The following ANO1 variants were observed in gnomAD, a reference collection of about 807,000 sequenced individuals.
ANO1 encodes anoctamin-1.
ANO1 carries 59 observed loss-of-function variants against 124.0 expected under a neutral mutation model. The ratio of observed to expected loss-of-function variants is 0.48; its 90% confidence interval spans 0.39 to 0.59. ANO1 has a LOEUF of 0.59. Ranked by LOEUF, ANO1 falls within the 20% of genes least tolerant of loss-of-function variation. The probability of loss-of-function intolerance (pLI) is 0.00; values close to 1 mark genes in which losing one functional copy is unlikely to be tolerated. For synonymous variants in ANO1, 529 were observed against 532.0 expected (o/e 0.99, Z 0.08); for missense variants, 1,059 against 1,328.0 (o/e 0.80, Z 3.15).
intron 11 of ANO1, among the ~76,000 whole-genome samples, chr11:70,139,238 A>G (rs1172550980): frequency 6.6e-6 from 1 of 151,370 alleles, no homozygotes; most frequent in Non-Finnish European, 1.5e-5. Context: ...CTCACTGCAA[A>G]CTCCGCCTCC....
chr11:70,002,689 A>G (rs1856408661), intron 1 of ANO1, among the ~76,000 whole-genome samples: 2 of 152,138 alleles, frequency 1.3e-5, no homozygotes, highest in Non-Finnish European at 2.9e-5. Flanking sequence ...TAAGTGGTGC[A>G]TGACTGCATT....
At chr11:70,046,092 G>A (rs1449030627) in intron 1 of ANO1, among the ~76,000 whole-genome samples, 1 of 152,148 alleles carries the variant, frequency 6.6e-6, no homozygotes, top group African/African-American at 2.4e-5. Context: ...GAGCAAAAAG[G>A]ACTCGATGCA....
chr11:70,109,130 GCATCCAT>G (rs888334617), intron 6 of ANO1, among the ~76,000 whole-genome samples: 30 of 152,204 alleles, frequency 2.0e-4, no homozygotes, highest in Middle Eastern at 3.2e-3. Context: ...CCATAGGGTA[GCATCCAT>G]CACTCTGTAG....
In ANO1 at chr11:70,130,531, G is replaced by A. The variant is rs115318482; in HGVS notation, c.1098-1388G>A. 6.7e-3 allele frequency among the ~76,000 whole-genome samples: 1,023 copies of A among 152,342 alleles called. 19 individuals carry two copies. Among genetic ancestry groups the A allele is most frequent in the African/African-American group, 0.023 (945 of 41,574 alleles). On this transcript the variant is annotated intron_variant, in intron 10 of 25. Coordinates refer to ENST00000355303, the MANE Select transcript of ANO1 (RefSeq NM_018043.7). ...CAGTCCCCAGTGCTGGTCCAAGTGA[G>A]GTGGAACATCTGTGCCTGCCAGTAA...
At chr11:70,170,744 T>C (rs551567991) in intron 21 of ANO1, 143 bp from the exon 22 acceptor site, 149 of 974,118 alleles carry the variant, frequency 1.5e-4, no homozygotes, top group Middle Eastern at 5.5e-4. Context: ...ATCTAATGCA[T>C]CTGCAGGTGG....
chr11:70,166,494 G>A (rs954951375), intron 20 of ANO1, among the ~76,000 whole-genome samples: 5 of 152,136 alleles, frequency 3.3e-5, no homozygotes, highest in Admixed American at 1.3e-4. Context: ...TGGAGGCTGG[G>A]GGACTTGGCC....
chr11:70,009,131 T>C (rs576083380), intron 1 of ANO1, among the ~76,000 whole-genome samples: 39 of 152,298 alleles, frequency 2.6e-4, no homozygotes, highest in Non-Finnish European at 1.9e-4. Flanking sequence ...TTTTTATTAT[T>C]TCCTTCTCTT....
At chr11:70,005,121 A>T (rs1025790587) in intron 1 of ANO1, among the ~76,000 whole-genome samples, 1 of 151,942 alleles carries the variant, frequency 6.6e-6, no homozygotes, top group Non-Finnish European at 1.5e-5. Flanking sequence ...TCAAAAAAAA[A>T]AAAAAAATTG....
chr11:70,185,642 A>G lies in ANO1; in HGVS notation c.2641A>G (p.Lys881Glu). The G allele has an allele frequency of 6.2e-7, 1 of 1,613,400 alleles. No individual in the cohort carries two copies. The highest frequency in any genetic ancestry group is 1.3e-5 in the African/African-American group (1 of 74,966). ...GTCGGAAAACAAGTACGACATCTCC[A>G]AGGACTTCTGGGCCGTCCTGGCAGC... ...PWSENKYDISKDFWAVLAARL... is the reference protein window; with the variant it reads ...PWSENKYDISEDFWAVLAARL... The change falls in exon 25 of 26, where the codon AAG becomes GAG. Residue 881 changes from lysine (K) to glutamate (E), a missense_variant. By Grantham distance (56) the Lys-to-Glu change is moderately conservative. Coordinates refer to ENST00000355303, the MANE Select transcript of ANO1 (RefSeq NM_018043.7).
intron 1 of ANO1, among the ~76,000 whole-genome samples, chr11:70,025,017 G>C (rs1856867441): frequency 6.6e-6 from 1 of 152,216 alleles, no homozygotes; most frequent in Non-Finnish European, 1.5e-5. Flanking sequence ...CTGAGCATCT[G>C]AGGGTCTCAG....
intron 1 of ANO1, among the ~76,000 whole-genome samples, chr11:70,071,247 A>G (rs1456171957): frequency 2.0e-5 from 3 of 152,252 alleles, no homozygotes; most frequent in Non-Finnish European, 4.4e-5. Flanking sequence ...GTACAGAGAA[A>G]AAGCTGTTCA....
At chr11:70,047,801 C>G (rs1257029787) in intron 1 of ANO1, among the ~76,000 whole-genome samples, 2 of 152,176 alleles carry the variant, frequency 1.3e-5, no homozygotes, top group Non-Finnish European at 2.9e-5. Flanking sequence ...GCCTTTTTTA[C>G]CTGAGACAGG....
At chr11:70,153,835 G>A (rs6592460) in intron 14 of ANO1, among the ~76,000 whole-genome samples, 1 of 151,850 alleles carries the variant, frequency 6.6e-6, no homozygotes, top group Admixed American at 6.6e-5. Flanking sequence ...GCATGATCTC[G>A]GCTCACTGCA....
At chr11:70,177,605 T>C (rs542546221) in intron 22 of ANO1, among the ~76,000 whole-genome samples, 25 of 132,514 alleles carry the variant, frequency 1.9e-4, no homozygotes, top group African/African-American at 5.9e-4. Context: ...TTTTTTTTTT[T>C]TTTTTTTTTT....
chr11:70,014,372 G>C (rs1236913053), intron 1 of ANO1, among the ~76,000 whole-genome samples: 1 of 151,020 alleles, frequency 6.6e-6, no homozygotes, highest in Non-Finnish European at 1.5e-5. Context: ...GTTTTGCCTG[G>C]TTTTGATGTC....
At chr11:69,973,193 G>A in the ANO1 span, among the ~76,000 whole-genome samples, 1 of 152,130 alleles carries the variant, frequency 6.6e-6, no homozygotes, top group African/African-American at 2.4e-5. Context: ...ACAGGCGTGA[G>A]CCACCGCGCC....
At chr11:70,168,006 G>T (rs987775650) in intron 21 of ANO1, among the ~76,000 whole-genome samples, 1 of 152,178 alleles carries the variant, frequency 6.6e-6, no homozygotes, top group Admixed American at 6.5e-5. Flanking sequence ...CACAGAGCAG[G>T]CGTCTCAAAG....
At chr11:70,062,310 C>G (rs886459396) in intron 1 of ANO1, among the ~76,000 whole-genome samples, 31 of 152,116 alleles carry the variant, frequency 2.0e-4, no homozygotes, top group Non-Finnish European at 3.7e-4. Flanking sequence ...CTCCTGACCT[C>G]AGGTGATCCA....
At chr11:69,979,289 T>C in the ANO1 span, among the ~76,000 whole-genome samples, 1 of 152,236 alleles carries the variant, frequency 6.6e-6, no homozygotes, top group African/African-American at 2.4e-5. Context: ...TGTATTGAGT[T>C]CACCCATGCC....
Sources: allele counts gnomAD v4.1 joint callset (sites outside exome capture counted in the v4.1 genomes callset), GRCh38; gene constraint gnomAD v4.1.1; transcripts MANE v1.5; gene names NCBI Gene and HGNC (gene_info 2026-07-23, HGNC 2026-07-21).